DIAPH3: variants seen among roughly 807,000 people sequenced by gnomAD.
DIAPH3 encodes diaphanous related formin 3, also known as protein diaphanous homolog 3.
A neutral mutation model predicts 144.3 loss-of-function variants in DIAPH3; 117 were observed. That is an observed-to-expected ratio of 0.81 (90% CI 0.70 to 0.95). The LOEUF is 0.95. Among genes scored for constraint, DIAPH3 ranks in the 40% least tolerant of loss-of-function variants. The probability of loss-of-function intolerance (pLI) is 0.00; values close to 1 mark genes in which losing one functional copy is unlikely to be tolerated. For synonymous variants in DIAPH3, 519 were observed against 488.9 expected (o/e 1.06, Z -0.81); for missense variants, 1,421 against 1,412.7 (o/e 1.01, Z -0.09).
intron 20 of DIAPH3, among the ~76,000 whole-genome samples, chr13:59,880,978 C>CAA (rs77481523): frequency 0.027 from 1,774 of 64,768 alleles, 30 homozygotes; most frequent in East Asian, 0.095. Context: ...CAACAAGGAC[C>CAA]AAAAAAAAAA....
At chr13:59,816,239 T>C (rs913763548) in intron 24 of DIAPH3, among the ~76,000 whole-genome samples, 5 of 152,076 alleles carry the variant, frequency 3.3e-5, no homozygotes, top group Admixed American at 3.3e-4. Flanking sequence ...GAGATAATCA[T>C]TTCATTAAAA....
chr13:59,729,480 G>A (rs1323108435), intron 27 of DIAPH3, among the ~76,000 whole-genome samples: 1 of 152,000 alleles, frequency 6.6e-6, no homozygotes, highest in African/African-American at 2.4e-5. Context: ...TGAGGAGGAG[G>A]TGGGGGTGGA....
chr13:60,048,252 T>C (rs969227614), intron 4 of DIAPH3, among the ~76,000 whole-genome samples: 4 of 152,216 alleles, frequency 2.6e-5, no homozygotes, highest in Admixed American at 2.0e-4. Context: ...CCTTGCATTC[T>C]TGGCATAGCC....
intron 24 of DIAPH3, among the ~76,000 whole-genome samples, chr13:59,818,477 G>A (rs2040894792): frequency 6.6e-6 from 1 of 150,910 alleles, no homozygotes. Context: ...TTTTCTCTCT[G>A]GCTGCAATTT....
intron 3 of DIAPH3, among the ~76,000 whole-genome samples, chr13:60,094,506 T>C (rs1258422912): frequency 6.6e-6 from 1 of 152,208 alleles, no homozygotes; most frequent in Non-Finnish European, 1.5e-5. Flanking sequence ...GCGCCTGAGG[T>C]AAGACAGAAA....
intron 9 of DIAPH3, among the ~76,000 whole-genome samples, chr13:60,004,946 G>A (rs887446787): frequency 5.3e-5 from 8 of 152,092 alleles, no homozygotes; most frequent in African/African-American, 1.7e-4. Flanking sequence ...TATCATTCCC[G>A]TGACTTCCAT....
At chr13:59,809,027 G>A (rs1203972038) in intron 25 of DIAPH3, among the ~76,000 whole-genome samples, 16 of 152,222 alleles carry the variant, frequency 1.1e-4, no homozygotes, top group Admixed American at 1.0e-3. Context: ...AAACATCACT[G>A]ACATTACATT....
At chr13:59,677,317 A>C (rs1403160370) in intron 27 of DIAPH3, among the ~76,000 whole-genome samples, 1 of 152,062 alleles carries the variant, frequency 6.6e-6, no homozygotes, top group Non-Finnish European at 1.5e-5. Context: ...TTGAGGACTC[A>C]ACATTGAGAC....
At chr13:59,739,869 A>C (rs563276633) in intron 27 of DIAPH3, among the ~76,000 whole-genome samples, 3 of 152,270 alleles carry the variant, frequency 2.0e-5, no homozygotes, top group African/African-American at 7.2e-5. Flanking sequence ...TCAGAAAAAA[A>C]AGTTCTAGAA....
chr13:59,926,621 C>T (rs922215329), intron 17 of DIAPH3, among the ~76,000 whole-genome samples: 2 of 152,140 alleles, frequency 1.3e-5, no homozygotes, highest in African/African-American at 4.8e-5. Flanking sequence ...TGTATAATTT[C>T]CATATTATTT....
At chr13:60,146,845 C>A (rs117628075) in intron 1 of DIAPH3, among the ~76,000 whole-genome samples, 6 of 152,214 alleles carry the variant, frequency 3.9e-5, no homozygotes, top group Non-Finnish European at 8.8e-5. Flanking sequence ...AGCTGATAGC[C>A]ACAGGTAAGG....
At position 60,131,246 on chromosome 13, in the gene DIAPH3, T is replaced by C. The variant is rs145770740; in HGVS notation, c.213+1711A>G. 8.2e-3 allele frequency among the ~76,000 whole-genome samples: 1,240 copies of C among 151,502 alleles called. 56 individuals carry two copies. Among genetic ancestry groups the C allele is most frequent in the Admixed American group, 0.069 (1,056 of 15,204 alleles). On this transcript the variant is annotated intron_variant, in intron 2 of 27. Coordinates refer to ENST00000400324, the MANE Select transcript of DIAPH3 (RefSeq NM_001042517.2). ...GAGTTTAAACCCAGCCTGGGCAACA[T>C]AGGGAGATCTTGTCTCTCCAAAAAA...
At chr13:60,002,351 TG>T (rs2052573706) in intron 9 of DIAPH3, among the ~76,000 whole-genome samples, 1 of 152,164 alleles carries the variant, frequency 6.6e-6, no homozygotes, top group South Asian at 2.1e-4. Context: ...TTACAGTCAT[TG>T]CTGCCCATAA....
chr13:59,853,358 C>G (rs528224243), intron 22 of DIAPH3, among the ~76,000 whole-genome samples: 8 of 152,238 alleles, frequency 5.3e-5, no homozygotes, highest in African/African-American at 1.9e-4. Flanking sequence ...TCCCAAATCT[C>G]ACGTTGAATT....
At chr13:59,918,651 C>A (rs868483466) in intron 18 of DIAPH3, among the ~76,000 whole-genome samples, 1 of 152,124 alleles carries the variant, frequency 6.6e-6, no homozygotes, top group Non-Finnish European at 1.5e-5. Flanking sequence ...TAACACTGCA[C>A]CAACAACAGC....
chr13:59,905,113 C>T (rs1487752282), intron 20 of DIAPH3, among the ~76,000 whole-genome samples: 1 of 151,792 alleles, frequency 6.6e-6, no homozygotes, highest in Non-Finnish European at 1.5e-5. Context: ...GAGGCCGAGA[C>T]GGGCAGATCA....
chr13:59,702,576 C>T (rs1454999016), intron 27 of DIAPH3, among the ~76,000 whole-genome samples: 1 of 152,160 alleles, frequency 6.6e-6, no homozygotes, highest in Non-Finnish European at 1.5e-5. Flanking sequence ...CATGACTTTA[C>T]CATTCAGTCT....
chr13:59,798,420 C>T (rs895222637), intron 25 of DIAPH3, among the ~76,000 whole-genome samples: 3 of 152,166 alleles, frequency 2.0e-5, no homozygotes, highest in African/African-American at 4.8e-5. Context: ...TAGTTCTACC[C>T]AAAGATCAAT....
chr13:59,694,543 T>G (rs559523742), intron 27 of DIAPH3, among the ~76,000 whole-genome samples: 64 of 152,266 alleles, frequency 4.2e-4, no homozygotes, highest in African/African-American at 1.2e-3. Context: ...CATTATAAAC[T>G]AGCTAATTTT....
Sources: gnomAD v4.1 joint callset for allele counts (sites outside exome capture counted in the v4.1 genomes callset) on GRCh38, gnomAD v4.1.1 for gene constraint, MANE v1.5 for transcripts, NCBI Gene and HGNC (gene_info 2026-07-23, HGNC 2026-07-21) for gene names.